The following FGF12 variants were observed in gnomAD, a reference collection of about 807,000 sequenced individuals.
FGF12 encodes the protein fibroblast growth factor 12.
FGF12 carries 14 observed loss-of-function variants against 23.6 expected under a neutral mutation model. The observed-to-expected ratio is 0.59, with a 90% confidence interval of 0.39 to 0.93. The LOEUF is 0.93. Ranked by LOEUF, FGF12 falls within the 40% of genes least tolerant of loss-of-function variation. FGF12 has a pLI of 0.00. For synonymous variants in FGF12, 62 were observed against 77.3 expected, an observed-to-expected ratio of 0.80 and a Z score of 1.04; for missense variants, 175 against 217.8, an observed-to-expected ratio of 0.80 and a Z score of 1.24.
rs62294931 is a variant in FGF12, at chr3:192,451,184, T to G, written c.14-90646A>C. On this transcript the variant is annotated intron_variant, in intron 2 of 5. Transcript: ENST00000445105. ...AGTGTAAACACAATGGTTTCTGCAT[T>G]GACAGTGCCCAATGATAGATATTTA... 8.7e-3 allele frequency among the ~76,000 whole-genome samples: 1,332 copies of G among 152,320 alleles called. 8 individuals carry two copies. Among genetic ancestry groups the G allele is most frequent in the Non-Finnish European group, 0.013 (860 of 68,008 alleles).
intron 2 of FGF12, among the ~76,000 whole-genome samples, chr3:192,619,398 G>A (rs897044893): frequency 1.3e-5 from 2 of 152,174 alleles, no homozygotes; most frequent in East Asian, 1.9e-4. Context: ...AGACTAGTGC[G>A]TATAGCAGGA....
intron 2 of FGF12, among the ~76,000 whole-genome samples, chr3:192,700,104 G>A (rs1359936971): frequency 3.3e-5 from 5 of 152,226 alleles, no homozygotes; most frequent in South Asian, 2.1e-4. Flanking sequence ...TAATTAGCAC[G>A]TTTCCAGAGC....
chr3:192,438,305 T>C lies in FGF12; in HGVS notation c.14-77767A>G, dbSNP rs868584751. On this transcript the variant is annotated intron_variant, in intron 2 of 5. Transcript: ENST00000445105. Reference sequence around the variant, plus strand: ...CCTCTACTCTTACCTCTCATCCAGATGTTAAAATCATTAAGAACAAAGAGT... The same window carrying C: ...CCTCTACTCTTACCTCTCATCCAGACGTTAAAATCATTAAGAACAAAGAGT... 3.6e-4 allele frequency among the ~76,000 whole-genome samples: 55 copies of C among 152,358 alleles called. 1 individual carries two copies. In the Middle Eastern group the frequency reaches 0.037, roughly 104 times the overall value.
intron 4 of FGF12, among the ~76,000 whole-genome samples, chr3:192,192,693 A>G (rs560547134): frequency 7.2e-5 from 11 of 152,042 alleles, no homozygotes; most frequent in African/African-American, 2.6e-4. Context: ...TGATTTTTAC[A>G]AAGAAATAGG....
chr3:192,220,155 C>T (rs1032399196), intron 4 of FGF12, among the ~76,000 whole-genome samples: 2 of 152,072 alleles, frequency 1.3e-5, no homozygotes, highest in Admixed American at 6.6e-5. Context: ...CTCATATATA[C>T]TGTTGACAGT....
chr3:192,248,570 T>C (rs1711790970), intron 4 of FGF12, among the ~76,000 whole-genome samples: 1 of 152,050 alleles, frequency 6.6e-6, no homozygotes, highest in Admixed American at 6.5e-5. Flanking sequence ...TATAAAACCT[T>C]GGGAATAGCC....
chr3:192,228,381 T>C (rs143307240), intron 4 of FGF12, among the ~76,000 whole-genome samples: 94 of 152,234 alleles, frequency 6.2e-4, no homozygotes, highest in Admixed American at 1.7e-3. Context: ...AGCAAGCATA[T>C]CACATTTAAT....
chr3:192,191,655 G>A (rs1716797106), intron 4 of FGF12, among the ~76,000 whole-genome samples: 3 of 152,094 alleles, frequency 2.0e-5, no homozygotes. Flanking sequence ...CCAACATGGT[G>A]AAACCCCGTC....
intron 4 of FGF12, among the ~76,000 whole-genome samples, chr3:192,232,706 C>A (rs954366507): frequency 6.6e-6 from 1 of 151,992 alleles, no homozygotes; most frequent in Admixed American, 6.6e-5. Flanking sequence ...TCCTCCTACC[C>A]TCCACCTTCA....
At chr3:192,439,226 T>C (rs553150321) in intron 2 of FGF12, among the ~76,000 whole-genome samples, 6 of 152,344 alleles carry the variant, frequency 3.9e-5, no homozygotes, top group Non-Finnish European at 7.4e-5. Flanking sequence ...TTCACTGACC[T>C]AGCCTTTATT....
intron 4 of FGF12, among the ~76,000 whole-genome samples, chr3:192,271,554 C>T (rs1296595542): frequency 2.6e-5 from 4 of 152,174 alleles, no homozygotes; most frequent in Non-Finnish European, 4.4e-5. Context: ...TCCCACCTAC[C>T]TGCCTATCTC....
intron 2 of FGF12, among the ~76,000 whole-genome samples, chr3:192,526,862 T>C (rs910060641): frequency 2.0e-5 from 3 of 152,242 alleles, no homozygotes; most frequent in African/African-American, 7.2e-5. Flanking sequence ...GTATGCGTCA[T>C]GCCTTCTGTC....
chr3:192,313,707 T>C (rs1270712662), intron 4 of FGF12, among the ~76,000 whole-genome samples: 4 of 152,222 alleles, frequency 2.6e-5, no homozygotes, highest in African/African-American at 4.8e-5. Context: ...CTAATAGTTA[T>C]GGTGATTAGA....
intron 2 of FGF12, among the ~76,000 whole-genome samples, chr3:192,368,131 G>GA (rs1719067140): frequency 6.6e-6 from 1 of 151,860 alleles, no homozygotes; most frequent in South Asian, 2.1e-4. Context: ...GAGCAGAAAA[G>GA]AAAATCCAAA....
At chr3:192,154,883 CTG>C in intron 5 of FGF12, among the ~76,000 whole-genome samples, 1 of 138,634 alleles carries the variant, frequency 7.2e-6, no homozygotes, top group Admixed American at 7.2e-5. Context: ...CTAAACAAGC[CTG>C]GGCAATGGCG....
At chr3:192,317,450 G>A (rs1310945871) in intron 4 of FGF12, among the ~76,000 whole-genome samples, 1 of 152,098 alleles carries the variant, frequency 6.6e-6, no homozygotes, top group Non-Finnish European at 1.5e-5. Context: ...CAGGCAATGT[G>A]TGCTGTGGGC....
intron 4 of FGF12, among the ~76,000 whole-genome samples, chr3:192,275,684 G>C (rs944604429): frequency 6.6e-6 from 1 of 152,158 alleles, no homozygotes. Flanking sequence ...GGAATGGTAA[G>C]ATATCCTTTT....
intron 2 of FGF12, among the ~76,000 whole-genome samples, chr3:192,512,859 T>TAAAA (rs56138927): frequency 5.2e-5 from 3 of 57,424 alleles, no homozygotes; most frequent in African/African-American, 1.3e-4. Flanking sequence ...TATATATATA[T>TAAAA]AACAGGCTAT....
At chr3:192,436,381 G>A (rs1217773776) in intron 2 of FGF12, among the ~76,000 whole-genome samples, 2 of 152,216 alleles carry the variant, frequency 1.3e-5, no homozygotes, top group African/African-American at 4.8e-5. Context: ...GCAGAATCAA[G>A]TGGAGGGCTT....
Sources: allele counts gnomAD v4.1 joint callset (sites outside exome capture counted in the v4.1 genomes callset), GRCh38; gene constraint gnomAD v4.1.1; transcripts MANE v1.5; gene names NCBI Gene and HGNC (gene_info 2026-07-23, HGNC 2026-07-21).